THADA: variants seen among roughly 807,000 people sequenced by gnomAD.
THADA encodes the protein THADA armadillo repeat containing, also known as tRNA (32-2'-O)-methyltransferase regulator THADA.
Under a neutral mutation model 219.8 loss-of-function variants are expected in THADA, and 213 were observed. The ratio of observed to expected loss-of-function variants is 0.97; its 90% CI spans 0.87 to 1.09. The LOEUF (loss-of-function observed/expected upper bound fraction) is 1.09, where lower values mean the gene tolerates loss of function less well. Ranked by LOEUF, THADA falls within the 50% of genes least tolerant of loss-of-function variation. The pLI is 0.00. For missense variants in THADA, 2,956 were observed against 2,311.3 expected (o/e 1.28, Z -5.72); for synonymous variants, 1,018 against 828.9 (o/e 1.23, Z -3.92).
At chr2:43,398,924 C>G (rs1674432123) in intron 28 of THADA, among the ~76,000 whole-genome samples, 1 of 152,126 alleles carries the variant, frequency 6.6e-6, no homozygotes, top group African/African-American at 2.4e-5. Context: ...GACTCATACC[C>G]AAAGAGCGGG....
intron 22 of THADA, among the ~76,000 whole-genome samples, chr2:43,512,587 C>A (rs1690634257): frequency 6.6e-6 from 1 of 152,236 alleles, no homozygotes; most frequent in South Asian, 2.1e-4. Flanking sequence ...ACTGCAACCT[C>A]CGCCTCCCAG....
chr2:43,501,293 C>T (rs1484881216), intron 24 of THADA, among the ~76,000 whole-genome samples: 12 of 37,958 alleles, frequency 3.2e-4, no homozygotes, highest in African/African-American at 8.7e-4. Context: ...GCAACAAAAG[C>T]GAAACTCCAA....
intron 30 of THADA, among the ~76,000 whole-genome samples, chr2:43,342,016 GC>G (rs1378127021): frequency 1.3e-5 from 2 of 152,198 alleles, no homozygotes; most frequent in Non-Finnish European, 2.9e-5. Context: ...TTCGAGACCA[GC>G]CTGGGCAATC....
Position 43,369,260 on chromosome 2 carries a change from C to T in THADA, c.4228-25023G>A, listed in dbSNP as rs537155225. On this transcript the variant is annotated intron_variant, in intron 29 of 37. Coordinates refer to ENST00000405975, the MANE Select transcript of THADA (RefSeq NM_022065.5). ...AGCTATTTCAAATGTGTCCTCCTTA[C>T]TCATGTCTTCCTGCCCACTTCTCCA... Among the ~76,000 whole-genome samples, 6 of 152,338 alleles carry T rather than the reference C, an allele frequency of 3.9e-5. No individual in the cohort carries two copies. In the East Asian group the frequency reaches 9.6e-4, roughly 24 times the overall value.
intron 29 of THADA, among the ~76,000 whole-genome samples, chr2:43,349,044 A>G (rs1029663403): frequency 2.0e-5 from 3 of 152,122 alleles, no homozygotes; most frequent in Non-Finnish European, 4.4e-5. Context: ...AAAAGACTGA[A>G]AGCACATTAT....
At chr2:43,475,398 G>C (rs1026631700) in intron 26 of THADA, among the ~76,000 whole-genome samples, 1 of 147,068 alleles carries the variant, frequency 6.8e-6, no homozygotes, top group Non-Finnish European at 1.5e-5. Flanking sequence ...ACTCCAGCCT[G>C]GGCGACAGAG....
intron 24 of THADA, among the ~76,000 whole-genome samples, chr2:43,501,338 A>AAAAG (rs1688950135): frequency 1.5e-5 from 2 of 134,744 alleles, no homozygotes; most frequent in Non-Finnish European, 3.1e-5. Flanking sequence ...AAAAAAAAAA[A>AAAAG]AGAGAGACTT....
rs1396810466 is a variant in THADA at position 43,508,629 on chromosome 2, G to C, written c.3507+19C>G. The C allele has an allele frequency of 6.2e-7, 1 of 1,609,546 alleles. No individual in the cohort carries two copies. Among genetic ancestry groups the C allele is most frequent in the Non-Finnish European group, 8.5e-7 (1 of 1,178,022 alleles). On this transcript the variant is annotated intron_variant, in intron 23 of 37. Coordinates refer to ENST00000405975, the MANE Select transcript of THADA (RefSeq NM_022065.5). ...AAAGACAAATATAAACAAACAGCTA[G>C]GGTCCTACAGATAAATACCTGTATG...
At chr2:43,359,555 C>T (rs1159309077) in intron 29 of THADA, among the ~76,000 whole-genome samples, 1 of 152,244 alleles carries the variant, frequency 6.6e-6, no homozygotes, top group African/African-American at 2.4e-5. Context: ...TGGCGGGTGC[C>T]TGTAATCCCA....
chr2:43,445,546 C>A (rs183077276), intron 26 of THADA, among the ~76,000 whole-genome samples: 1 of 152,356 alleles, frequency 6.6e-6, no homozygotes, highest in African/African-American at 2.4e-5. Context: ...TTCAGGCAGA[C>A]CATGTTTGAA....
chr2:43,523,929 T>G (rs184755247), intron 22 of THADA, among the ~76,000 whole-genome samples: 3,835 of 152,280 alleles, frequency 0.025, 100 homozygotes, highest in African/African-American at 0.071. Context: ...AAATTAAAGT[T>G]GGATTCCCAA....
chr2:43,286,838 T>A, intron 35 of THADA, 70 bp downstream of exon 35: 1 of 1,552,818 alleles, frequency 6.4e-7, no homozygotes, highest in Non-Finnish European at 8.8e-7. Context: ...CTTCCCTTTT[T>A]TTAGGCAAGA....
At chr2:43,473,237 C>T (rs527812677) in intron 26 of THADA, among the ~76,000 whole-genome samples, 13 of 152,174 alleles carry the variant, frequency 8.5e-5, no homozygotes, top group Admixed American at 3.3e-4. Context: ...TTTCTTTATA[C>T]ACTTATTCTA....
chr2:43,327,580 A>G (rs536376218), intron 30 of THADA, among the ~76,000 whole-genome samples: 2 of 152,238 alleles, frequency 1.3e-5, no homozygotes, highest in African/African-American at 4.8e-5. Context: ...CACTTGACAC[A>G]TATCTACCCG....
chr2:43,542,675 C>G (rs1695479422), intron 20 of THADA, among the ~76,000 whole-genome samples: 1 of 152,148 alleles, frequency 6.6e-6, no homozygotes, highest in African/African-American at 2.4e-5. Flanking sequence ...TAAGAACTCT[C>G]ACAGCAGACA....
At chr2:43,576,326 T>C (rs1574333904) in intron 10 of THADA, among the ~76,000 whole-genome samples, 1 of 152,186 alleles carries the variant, frequency 6.6e-6, no homozygotes, top group African/African-American at 2.4e-5. Flanking sequence ...CTTTCAGCCA[T>C]TATGGCAAAA....
intron 36 of THADA, among the ~76,000 whole-genome samples, chr2:43,245,364 G>A (rs1198412952): frequency 6.6e-6 from 1 of 151,720 alleles, no homozygotes; most frequent in Non-Finnish European, 1.5e-5. Context: ...GTAGAGACAG[G>A]GTTTCACCAT....
intron 28 of THADA, among the ~76,000 whole-genome samples, chr2:43,410,083 C>A (rs1243389732): frequency 1.3e-5 from 2 of 150,832 alleles, no homozygotes; most frequent in African/African-American, 4.9e-5. Flanking sequence ...AAAATTGGGT[C>A]AAAGCTTCAA....
chr2:43,548,371 C>T (rs1372829972), intron 20 of THADA, among the ~76,000 whole-genome samples: 2 of 152,202 alleles, frequency 1.3e-5, no homozygotes, highest in Admixed American at 1.3e-4. Flanking sequence ...CAGCTGTGTG[C>T]TGGGAGAACC....
Sources: gnomAD v4.1 joint callset for allele counts (sites outside exome capture counted in the v4.1 genomes callset) on GRCh38, gnomAD v4.1.1 for gene constraint, MANE v1.5 for transcripts, NCBI Gene and HGNC (gene_info 2026-07-23, HGNC 2026-07-21) for gene names.